CDKL3: variants seen among roughly 807,000 people sequenced by gnomAD.
CDKL3 encodes cyclin-dependent kinase-like 3.
In CDKL3, 65 loss-of-function variants were observed where a neutral mutation model predicts 69.3. The observed-to-expected ratio is 0.94, with a 90% CI of 0.77 to 1.15. The LOEUF (loss-of-function observed/expected upper bound fraction) is 1.15. Among genes scored for constraint, CDKL3 ranks in the 50% most tolerant of loss-of-function variants. The pLI, the probability that CDKL3 is intolerant of heterozygous loss-of-function variation, is 0.00. For missense variants in CDKL3, 652 were observed against 689.2 expected, an observed-to-expected ratio of 0.95 and a Z score of 0.61; for synonymous variants, 202 against 221.6, an observed-to-expected ratio of 0.91 and a Z score of 0.79.
intron 5 of CDKL3, among the ~76,000 whole-genome samples, chr5:134,320,730 C>T (rs946428418): frequency 6.6e-5 from 10 of 151,546 alleles, no homozygotes; most frequent in African/African-American, 2.2e-4. Flanking sequence ...AAAAAAAAGC[C>T]AGGTGTGGTG....
chr5:134,299,931 T>A (rs771039929), intron 12 of CDKL3, among the ~76,000 whole-genome samples: 47 of 152,338 alleles, frequency 3.1e-4, no homozygotes, highest in Non-Finnish European at 6.3e-4. Context: ...GTGGCCTTTG[T>A]ATGGACTCTT....
intron 4 of CDKL3, among the ~76,000 whole-genome samples, chr5:134,347,585 G>A (rs1368517498): frequency 5.9e-5 from 9 of 151,318 alleles, no homozygotes; most frequent in Admixed American, 2.6e-4. Context: ...GGAATAAAGT[G>A]CTGGCTGGGC....
downstream of CDKL3, among the ~76,000 whole-genome samples, chr5:134,294,013 G>A (rs574974745): frequency 1.4e-3 from 214 of 152,046 alleles, 1 homozygote; most frequent in African/African-American, 5.1e-3. Context: ...GGAGACTGAG[G>A]TGGGAGGATT....
chr5:134,297,045 G>A (rs562618979), downstream of CDKL3, among the ~76,000 whole-genome samples: 4 of 147,552 alleles, frequency 2.7e-5, no homozygotes, highest in East Asian at 2.0e-4. Flanking sequence ...TCTGCCTCCC[G>A]GATTCAAGTG....
intron 7 of CDKL3, among the ~76,000 whole-genome samples, chr5:134,310,889 T>G (rs951865166): frequency 2.6e-5 from 4 of 152,220 alleles, no homozygotes; most frequent in Non-Finnish European, 5.9e-5. Flanking sequence ...CTTTTTTCTA[T>G]TTAGTCTATC....
rs369925643 is a variant in CDKL3 at position 134,309,003 on chromosome 5, T to G, written c.882-276A>C. Among the ~76,000 whole-genome samples, 3 of 152,352 alleles carry G rather than the reference T, an allele frequency of 2.0e-5. No individual in the cohort carries two copies. In the East Asian group the frequency reaches 5.8e-4, roughly 29 times the overall value. On this transcript the variant is annotated intron_variant, in intron 7 of 12. Coordinates refer to ENST00000265334, the MANE Select transcript of CDKL3 (RefSeq NM_001113575.2). ...TAGATTCCTTCTGCGATGCAAACTTTACTCAGAAAAATATTGCTTTTAATT... is the reference window on the plus strand; with the variant it reads ...TAGATTCCTTCTGCGATGCAAACTTGACTCAGAAAAATATTGCTTTTAATT...
At chr5:134,307,920 G>T in intron 9 of CDKL3, 1 of 562,462 alleles carries the variant, frequency 1.8e-6, no homozygotes, top group Non-Finnish European at 2.7e-6. Flanking sequence ...TTTTCAAGAA[G>T]ACATTAGTGA....
At chr5:134,319,325 G>A in intron 6 of CDKL3, 33 bp downstream of exon 6, 1 of 1,472,732 alleles carries the variant, frequency 6.8e-7, no homozygotes, top group Non-Finnish European at 9.0e-7. Flanking sequence ...GCAAGACTCT[G>A]TCTCCGGGGG....
intron 4 of CDKL3, among the ~76,000 whole-genome samples, chr5:134,347,430 A>G (rs1382031510): frequency 1.3e-5 from 2 of 152,194 alleles, no homozygotes; most frequent in African/African-American, 4.8e-5. Context: ...ACATATGTCC[A>G]TACAAAAACA....
At chr5:134,298,178 C>T (rs572589420), downstream of CDKL3, 3 of 843,874 alleles carry the variant, frequency 3.6e-6, no homozygotes, top group Middle Eastern at 6.1e-4. Context: ...AAGTGATCCG[C>T]CTGCCTCAGC....
chr5:134,371,093 CA>C (rs1758354067), upstream of CDKL3: 1 of 222,422 alleles, frequency 4.5e-6, no homozygotes, highest in Non-Finnish European at 9.0e-6. Flanking sequence ...CCCTCCCACT[CA>C]GGGGTGGATT....
chr5:134,339,025 A>T (rs1478393689), intron 4 of CDKL3, among the ~76,000 whole-genome samples: 1 of 151,924 alleles, frequency 6.6e-6, no homozygotes, highest in African/African-American at 2.4e-5. Flanking sequence ...ATAGTGGTGG[A>T]TGCCTGTAAT....
chr5:134,329,867 G>A (rs1033120638), intron 4 of CDKL3, among the ~76,000 whole-genome samples: 3 of 151,784 alleles, frequency 2.0e-5, no homozygotes, highest in African/African-American at 4.8e-5. Flanking sequence ...CTCATTAGCC[G>A]GGCATGGTGG....
chr5:134,316,680 A>G (rs1437660553), intron 6 of CDKL3, among the ~76,000 whole-genome samples: 2 of 152,230 alleles, frequency 1.3e-5, no homozygotes, highest in Admixed American at 6.5e-5. Context: ...AAAAATGCAA[A>G]AACAGTTAAA....
intron 6 of CDKL3, among the ~76,000 whole-genome samples, chr5:134,316,666 G>A (rs1266679545): frequency 1.3e-5 from 2 of 151,542 alleles, no homozygotes; most frequent in Non-Finnish European, 2.9e-5. Context: ...TAATTCAAAC[G>A]TCCAAAAATG....
rs571950865 is a variant in CDKL3 at position 134,290,842 on chromosome 5, T to C, written c.*678-4283A>G. ...GTGAGCCACCACACACAATCTGACT[T>C]AAGTTTTATTAAGAACACCCAGGCA... On this transcript the variant is annotated intron_variant and NMD_transcript_variant, in intron 8 of 8. Coordinates refer to the CDKL3 transcript ENST00000519312. Among the ~76,000 whole-genome samples, 5 of 152,170 alleles carry C rather than the reference T, an allele frequency of 3.3e-5. No individual in the cohort carries two copies. The East Asian group carries it at 9.7e-4, about 29-fold the overall frequency.
intron 3 of CDKL3, among the ~76,000 whole-genome samples, 153 bp from the exon 4 acceptor site, chr5:134,350,580 A>G (rs994226156): frequency 2.0e-5 from 3 of 152,212 alleles, no homozygotes; most frequent in Non-Finnish European, 4.4e-5. Flanking sequence ...AAATATAGTT[A>G]TATGTTTTCA....
At chr5:134,357,631 C>G (rs1754959674) in intron 3 of CDKL3, among the ~76,000 whole-genome samples, 1 of 150,170 alleles carries the variant, frequency 6.7e-6, no homozygotes, top group Admixed American at 6.6e-5. Flanking sequence ...GACTCTGTCT[C>G]AAAAAAAAAT....
chr5:134,295,584 T>C (rs1191581727), downstream of CDKL3, among the ~76,000 whole-genome samples: 2 of 152,210 alleles, frequency 1.3e-5, no homozygotes, highest in East Asian at 3.9e-4. Context: ...GGGAGTCTGT[T>C]AGAAAGGTAT....
Sources: allele counts gnomAD v4.1 joint callset (sites outside exome capture counted in the v4.1 genomes callset), GRCh38; gene constraint gnomAD v4.1.1; transcripts MANE v1.5; gene names NCBI Gene and HGNC (gene_info 2026-07-23, HGNC 2026-07-21).